The following LOX variants were observed in gnomAD, a reference collection of about 807,000 sequenced individuals.
LOX encodes the protein protein-lysine 6-oxidase.
In LOX, 12 loss-of-function variants were observed where a neutral mutation model predicts 50.5. That is an observed-to-expected ratio of 0.24 (90% CI 0.15 to 0.38). LOX has a LOEUF of 0.38. LOX is among the 10% of genes least tolerant of loss of function. The pLI is 1.00. For missense variants in LOX, 504 were observed against 563.8 expected, an observed-to-expected ratio of 0.89 and a Z score of 1.07; for synonymous variants, 254 against 230.6, an observed-to-expected ratio of 1.10 and a Z score of -0.92.
intron 6 of LOX, among the ~76,000 whole-genome samples, chr5:122,067,290 T>C (rs192988809): frequency 6.6e-6 from 1 of 150,682 alleles, no homozygotes; most frequent in African/African-American, 2.4e-5. Context: ...TTCCAAACAG[T>C]AAATTCTGTG....
rs1754345943 is a variant in LOX, at chr5:122,068,051, T to C, written c.1248-1302A>G. Among the ~76,000 whole-genome samples the C allele has an allele frequency of 3.3e-5, 5 of 152,008 alleles. No individual in the cohort carries two copies. The South Asian group carries it at 1.0e-3, about 32-fold the overall frequency. ...CCCCAATATTTCCACTCAGAATAAG[T>C]ATGACATTTTATTATGATCACTAAT... On this transcript the variant is annotated intron_variant, in intron 6 of 6. Coordinates refer to ENST00000231004, the MANE Select transcript of LOX (RefSeq NM_002317.7).
chr5:122,072,463 T>C (rs1754477556), intron 4 of LOX, among the ~76,000 whole-genome samples: 1 of 152,208 alleles, frequency 6.6e-6, no homozygotes, highest in African/African-American at 2.4e-5. Flanking sequence ...TGTTTTAGTT[T>C]CGTATATATT....
rs1190118940 is a variant in LOX, at chr5:122,063,641, T to G, written c.*3102A>C. ...TTGTGAATATGAGTTCAAAAAAATATGTATATATAGAAAAAAGAGTACTTT... is the reference window on the plus strand; with the variant it reads ...TTGTGAATATGAGTTCAAAAAAATAGGTATATATAGAAAAAAGAGTACTTT... On this transcript the variant is annotated 3_prime_UTR_variant, in exon 7 of 7. Transcript: ENST00000231004. 6.6e-6 allele frequency: 1 copy of G among 151,882 alleles called. No individual in the cohort carries two copies. The highest frequency in any genetic ancestry group is 1.5e-5 in the Non-Finnish European group (1 of 67,854). 9.4% of individuals were successfully genotyped at this position (151,882 alleles called of 1,614,324 possible). A position where few individuals can be genotyped will look rare whatever the true frequency, so the allele number is the denominator to read the frequency against.
chr5:122,077,149 C>T lies in LOX; in HGVS notation c.632-148G>A. On this transcript the variant is annotated intron_variant, in intron 1 of 6. Coordinates refer to ENST00000231004, the MANE Select transcript of LOX (RefSeq NM_002317.7). The surrounding 1 kb of genome is among the most constrained non-coding windows in gnomAD (Gnocchi z 4.9). ...AGGACAGCAAGAGAACTGGGGACGC[C>T]CGGGACTGCAAAGCAATGTGAAAAG... 1 of 1,468,740 alleles carries T rather than the reference C, an allele frequency of 6.8e-7. No individual in the cohort carries two copies. Among genetic ancestry groups the T allele is most frequent in the Non-Finnish European group, 9.0e-7 (1 of 1,115,902 alleles). 91.0% of individuals were successfully genotyped at this position (1,468,740 alleles called of 1,614,324 possible).
At chr5:122,071,209 G>A (rs1314156584) in intron 4 of LOX, among the ~76,000 whole-genome samples, 2 of 151,884 alleles carry the variant, frequency 1.3e-5, no homozygotes, top group Non-Finnish European at 2.9e-5. Flanking sequence ...GTGTGTGTGT[G>A]TGTGTGTGTG....
intron 3 of LOX, among the ~76,000 whole-genome samples, chr5:122,074,926 T>C (rs76858313): frequency 0.017 from 2,662 of 152,302 alleles, 79 homozygotes; most frequent in African/African-American, 0.061. Context: ...AAATTTAGGA[T>C]AGAAAAGGCA....
intron 6 of LOX, among the ~76,000 whole-genome samples, chr5:122,068,538 T>A (rs180872550): frequency 9.2e-5 from 14 of 152,248 alleles, no homozygotes; most frequent in African/African-American, 3.4e-4. Flanking sequence ...TTACTCAAAT[T>A]ATTTGAGAAA....
In LOX at chr5:122,077,025, G is replaced by A. The variant is rs1754658033; in HGVS notation, c.632-24C>T. The A allele has an allele frequency of 1.2e-6, 2 of 1,610,504 alleles. No homozygotes were observed. Among genetic ancestry groups the A allele is most frequent in the East Asian group, 2.2e-5 (1 of 44,852 alleles). On this transcript the variant is annotated intron_variant, in intron 1 of 6. Transcript: ENST00000231004. The surrounding 1 kb of genome is among the most constrained non-coding windows in gnomAD (Gnocchi z 4.9). ...ACCTAAACGTCAGCAGGCGACGGGC[G>A]CAGCAGTGAAACAACCCGGCGCCCC...
chr5:122,073,955 G>A, intron 4 of LOX, 58 bp downstream of exon 4: 1 of 1,506,570 alleles, frequency 6.6e-7, no homozygotes, highest in Non-Finnish European at 9.2e-7. Context: ...CTAACTAACG[G>A]TAGATGACCC....
chr5:122,075,307 C>A, intron 3 of LOX, 97 bp downstream of exon 3: 1 of 1,123,712 alleles, frequency 8.9e-7, no homozygotes. Context: ...GCAATTTTCT[C>A]CCTTCAGGTA....
At chr5:122,073,096 A>T (rs1410112295) in intron 4 of LOX, among the ~76,000 whole-genome samples, 1 of 152,196 alleles carries the variant, frequency 6.6e-6, no homozygotes, top group African/African-American at 2.4e-5. Flanking sequence ...GTCACCAAAC[A>T]GCTTCCTGCC....
intron 6 of LOX, among the ~76,000 whole-genome samples, chr5:122,068,250 G>A (rs1253628148): frequency 1.4e-5 from 2 of 147,602 alleles, no homozygotes; most frequent in East Asian, 4.0e-4. Context: ...CAGTCATATT[G>A]CTGGAGCAAT....
In LOX at chr5:122,065,015, A is replaced by G. The variant is rs988132983; in HGVS notation, c.*1728T>C. ...TTAGAAAAGATTACAATTTGAAAGG[A>G]TCATTCTACAATCTTAGAACTAAAA... is the stretch of plus-strand genomic sequence containing the variant. On this transcript the variant is annotated 3_prime_UTR_variant, in exon 7 of 7. Transcript: ENST00000231004. The G allele has an allele frequency of 6.6e-6, 1 of 152,094 alleles. No individual in the cohort carries two copies. Among genetic ancestry groups the G allele is most frequent in the Non-Finnish European group, 1.5e-5 (1 of 67,974 alleles). 9.4% of individuals were successfully genotyped at this position (152,094 alleles called of 1,614,324 possible).
In LOX at chr5:122,076,800, T is replaced by C. The variant is rs1027344502; in HGVS notation, c.740+93A>G. ...AGCTCTTGTCCCACTTCCTAACACT[T>C]GTCTGCGCGAAGCAGTAGCAGTCAG... On this transcript the variant is annotated intron_variant, in intron 2 of 6. Coordinates refer to ENST00000231004, the MANE Select transcript of LOX (RefSeq NM_002317.7). 2.8e-6 allele frequency: 3 copies of C among 1,083,826 alleles called. No individual in the cohort carries two copies. The African/African-American group carries it at 4.6e-5, about 17-fold the overall frequency. 67.1% of individuals were successfully genotyped at this position (1,083,826 alleles called of 1,614,324 possible).
intron 4 of LOX, among the ~76,000 whole-genome samples, chr5:122,072,900 C>G (rs1754491862): frequency 6.6e-6 from 1 of 152,170 alleles, no homozygotes; most frequent in African/African-American, 2.4e-5. Flanking sequence ...AACTCTAGGT[C>G]CCTTGCACAG....
rs1474869083 is a variant in LOX, at chr5:122,064,271, T to C, written c.*2472A>G. 6.6e-6 allele frequency: 1 copy of C among 151,980 alleles called. No individual in the cohort carries two copies. The highest frequency in any genetic ancestry group is 1.5e-5 in the Non-Finnish European group (1 of 67,934). The allele number at this position is 151,980 out of a possible 1,614,324, so 9.4% of individuals were successfully genotyped here. Reference sequence around the variant, plus strand: ...AACCTTCATCAACTAATTATTATCTTTGAGTTTCGGCAGTTATTCAGAGAA... The same window carrying C: ...AACCTTCATCAACTAATTATTATCTCTGAGTTTCGGCAGTTATTCAGAGAA... On this transcript the variant is annotated 3_prime_UTR_variant, in exon 7 of 7. Transcript: ENST00000231004.
At chr5:122,075,273 G>T in intron 3 of LOX, 131 bp downstream of exon 3, 1 of 822,752 alleles carries the variant, frequency 1.2e-6, no homozygotes, top group Non-Finnish European at 1.9e-6. Flanking sequence ...ATTACATAGA[G>T]AAAAATTCTA....
At position 122,077,067 on chromosome 5, in the gene LOX, C is replaced by T; in HGVS notation, c.632-66G>A. The T allele has an allele frequency of 6.3e-7, 1 of 1,592,154 alleles. No individual in the cohort carries two copies. Among genetic ancestry groups the T allele is most frequent in the Non-Finnish European group, 8.5e-7 (1 of 1,173,620 alleles). On this transcript the variant is annotated intron_variant, in intron 1 of 6. Transcript: ENST00000231004. The surrounding 1 kb of genome is among the most constrained non-coding windows in gnomAD (Gnocchi z 4.9). ...CGGCGCCCCCCGCTCCAACTCCCTA[C>T]CCCTCTAGGTCCCTTACTCCTCACC...
In LOX at chr5:122,066,646, T is replaced by C. The variant is rs1475816141; in HGVS notation, c.*97A>G. The C allele has an allele frequency of 9.9e-7, 1 of 1,007,304 alleles. No homozygotes were observed. 62.4% of individuals were successfully genotyped at this position (1,007,304 alleles called of 1,614,324 possible). A position where few individuals can be genotyped will look rare whatever the true frequency, so the allele number is the denominator to read the frequency against. The stretch of plus-strand genomic sequence containing the variant: ...AATTCTTTTGTTGTTTTCTGTTCTC[T>C]TTTTCAAAATACATAAATCCTACTG... On this transcript the variant is annotated 3_prime_UTR_variant, in exon 7 of 7. Transcript: ENST00000231004.
Sources: gnomAD v4.1 joint callset for allele counts (sites outside exome capture counted in the v4.1 genomes callset) on GRCh38, gnomAD v4.1.1 for gene constraint, Gnocchi (gnomAD v3.1) non-coding constraint, MANE v1.5 for transcripts, NCBI Gene and HGNC (gene_info 2026-07-23, HGNC 2026-07-21) for gene names.